The following FAM168A variants were observed in gnomAD, a reference collection of about 807,000 sequenced individuals.
FAM168A encodes protein FAM168A.
In FAM168A, 3 loss-of-function variants were observed where a neutral mutation model predicts 28.5. The observed-to-expected ratio is 0.11, with a 90% confidence interval of 0.05 to 0.27. FAM168A has a LOEUF of 0.27. FAM168A is among the 10% of genes least tolerant of loss of function. The pLI, the probability that FAM168A is intolerant of heterozygous loss-of-function variation, is 1.00. For missense variants in FAM168A, 222 were observed against 311.5 expected, an observed-to-expected ratio of 0.71 and a Z score of 2.16; for synonymous variants, 122 against 124.2, an observed-to-expected ratio of 0.98 and a Z score of 0.12.
chr11:73,419,743 T>G, intron 4 of FAM168A, 131 bp downstream of exon 4: 1 of 1,156,740 alleles, frequency 8.6e-7, no homozygotes, highest in Non-Finnish European at 1.2e-6. Flanking sequence ...ATTTTTTGCC[T>G]GGGTAAAAGA....
At chr11:73,538,988 C>A (rs1361902459) in intron 1 of FAM168A, among the ~76,000 whole-genome samples, 1 of 152,038 alleles carries the variant, frequency 6.6e-6, no homozygotes, top group African/African-American at 2.4e-5. Flanking sequence ...GTTAGATCCT[C>A]AATATAAGAA....
intron 1 of FAM168A, among the ~76,000 whole-genome samples, chr11:73,517,427 T>G (rs1461033417): frequency 6.6e-6 from 1 of 152,138 alleles, no homozygotes. Context: ...AGAATCCAGA[T>G]TACCTGACTG....
chr11:73,464,056 T>C (rs763265133), intron 2 of FAM168A, among the ~76,000 whole-genome samples: 6 of 152,124 alleles, frequency 3.9e-5, no homozygotes, highest in Non-Finnish European at 8.8e-5. Context: ...GTCCAAGACA[T>C]AGCCATGTAT....
chr11:73,482,449 C>A (rs1867980511), intron 1 of FAM168A, among the ~76,000 whole-genome samples: 1 of 151,864 alleles, frequency 6.6e-6, no homozygotes, highest in African/African-American at 2.4e-5. Flanking sequence ...CCCTCCCCAC[C>A]TTTTGCTGGT....
intron 1 of FAM168A, among the ~76,000 whole-genome samples, chr11:73,585,357 A>G (rs931731083): frequency 3.9e-5 from 6 of 152,218 alleles, no homozygotes; most frequent in Non-Finnish European, 7.3e-5. Context: ...TACTATTATT[A>G]CTACACTTCC....
Position 73,419,929 on chromosome 11 carries a change from G to A in FAM168A, c.222C>T (p.Leu74=), listed in dbSNP as rs373874450. Residue 74 remains leucine (L), a synonymous_variant, in exon 4 of 8, where the codon CTC becomes CTT. Transcript: ENST00000356467. Reference sequence around the variant, plus strand: ...GGTTCTCGGTCCCGGTGTCCACTGGGAGGTGGAAGGTGCCTTCAGTGCCAC... The same window carrying A: ...GGTTCTCGGTCCCGGTGTCCACTGGAAGGTGGAAGGTGCCTTCAGTGCCAC... ...SSCGTEGTFH[L]PVDTGTENRT... 3.2e-4 allele frequency: 521 copies of A among 1,613,930 alleles called. No individual in the cohort carries two copies. The highest frequency in any genetic ancestry group is 4.3e-4 in the Non-Finnish European group (503 of 1,179,930).
chr11:73,577,548 G>A (rs1002617331), intron 1 of FAM168A, among the ~76,000 whole-genome samples: 1 of 152,206 alleles, frequency 6.6e-6, no homozygotes, highest in Non-Finnish European at 1.5e-5. Context: ...ATGGGAGGAT[G>A]CAGATGAACT....
chr11:73,593,854 T>TA (rs1345489764), intron 1 of FAM168A, among the ~76,000 whole-genome samples: 2 of 152,222 alleles, frequency 1.3e-5, no homozygotes, highest in Non-Finnish European at 2.9e-5. Context: ...CAGCTAATAG[T>TA]AAGTGGTAGA....
chr11:73,454,024 T>C (rs1294587986), intron 2 of FAM168A, among the ~76,000 whole-genome samples: 3 of 152,232 alleles, frequency 2.0e-5, no homozygotes, highest in South Asian at 2.1e-4. Flanking sequence ...CTGGCTTTCA[T>C]GGTCTATTGA....
intron 2 of FAM168A, among the ~76,000 whole-genome samples, chr11:73,432,721 G>A (rs543083356): frequency 6.6e-6 from 1 of 151,920 alleles, no homozygotes; most frequent in South Asian, 2.1e-4. Context: ...AGACCAGCCT[G>A]ACAAACAAGG....
intron 1 of FAM168A, among the ~76,000 whole-genome samples, chr11:73,593,969 T>G (rs1048902194): frequency 3.9e-5 from 6 of 152,236 alleles, no homozygotes; most frequent in African/African-American, 1.4e-4. Flanking sequence ...GACAACTGCT[T>G]TCTGTTCATT....
chr11:73,545,013 T>TATAATATATA (rs1272015586), intron 1 of FAM168A, among the ~76,000 whole-genome samples: 2 of 78,430 alleles, frequency 2.6e-5, no homozygotes, highest in Non-Finnish European at 4.3e-5. Flanking sequence ...ATATACTATA[T>TATAATATATA]ATATAGTATA....
intron 1 of FAM168A, among the ~76,000 whole-genome samples, chr11:73,477,315 G>C (rs1615738): frequency 0.25 from 38,069 of 151,666 alleles, 5,208 homozygotes; most frequent in South Asian, 0.35. Flanking sequence ...CCAGTGACAC[G>C]CAATTTACCC....
At chr11:73,437,986 G>A (rs1045251438) in intron 2 of FAM168A, among the ~76,000 whole-genome samples, 4 of 151,708 alleles carry the variant, frequency 2.6e-5, no homozygotes, top group African/African-American at 9.7e-5. Flanking sequence ...TTCTTGCCTC[G>A]TTGATTCCTC....
chr11:73,411,468 G>A lies in FAM168A; in HGVS notation c.346C>T (p.Pro116Ser), dbSNP rs1866608900. ...GCCGTCTGATAGGGGTTGGGTGATG[G>A]GGAGTAGGGGGGTGGAGCAGTGTTA... is the stretch of plus-strand genomic sequence containing the variant. ...QSNTAPPPYS[P>S]SPNPYQTAMY... The change falls in exon 5 of 8, where the codon CCA becomes TCA. Residue 116 changes from proline to serine, a missense_variant. Transcript: ENST00000356467. 1.2e-6 allele frequency: 2 copies of A among 1,613,636 alleles called. No individual in the cohort carries two copies. The highest frequency in any genetic ancestry group is 1.7e-5 in the Admixed American group (1 of 59,972).
At chr11:73,584,514 C>T (rs1382064984) in intron 1 of FAM168A, among the ~76,000 whole-genome samples, 15 of 144,326 alleles carry the variant, frequency 1.0e-4, no homozygotes, top group African/African-American at 3.9e-4. Context: ...TGCTCCGTCA[C>T]CCAGGCTGGA....
chr11:73,489,256 C>A (rs1433406109), intron 1 of FAM168A, among the ~76,000 whole-genome samples: 1 of 152,048 alleles, frequency 6.6e-6, no homozygotes, highest in East Asian at 1.9e-4. Context: ...TTCTTTTAAC[C>A]CTCCTGTATT....
chr11:73,515,188 A>AT (rs1328161144), intron 1 of FAM168A, among the ~76,000 whole-genome samples: 2 of 152,184 alleles, frequency 1.3e-5, no homozygotes, highest in African/African-American at 4.8e-5. Context: ...ATAATACAGC[A>AT]TCAACAATTA....
chr11:73,556,812 G>T (rs1337572081), intron 1 of FAM168A, among the ~76,000 whole-genome samples: 1 of 151,868 alleles, frequency 6.6e-6, no homozygotes, highest in South Asian at 2.1e-4. Context: ...CACAAGGCTA[G>T]GAGTTCAAGG....
Sources: allele counts gnomAD v4.1 joint callset (sites outside exome capture counted in the v4.1 genomes callset), GRCh38; gene constraint gnomAD v4.1.1; transcripts MANE v1.5; gene names NCBI Gene and HGNC (gene_info 2026-07-23, HGNC 2026-07-21).